Variants in LCOR observed in about 807,000 individuals in gnomAD.
LCOR encodes ligand-dependent corepressor.
LCOR carries 14 observed loss-of-function variants against 64.4 expected under a neutral mutation model. That is an observed-to-expected ratio of 0.22 (90% confidence interval 0.14 to 0.34). The LOEUF is 0.34. Among genes scored for constraint, LCOR ranks in the 10% least tolerant of loss-of-function variants. The pLI is 1.00. For missense variants in LCOR, 1,686 were observed against 1,765.3 expected, an observed-to-expected ratio of 0.96 and a Z score of 0.80; for synonymous variants, 643 against 642.5, an observed-to-expected ratio of 1.00 and a Z score of -0.01.
chr10:96,838,305 A>G (rs976136096), intron 2 of LCOR, among the ~76,000 whole-genome samples: 4 of 152,134 alleles, frequency 2.6e-5, no homozygotes, highest in Non-Finnish European at 5.9e-5. Flanking sequence ...ATTTTTTCTC[A>G]GCAGTGGGGT....
intron 2 of LCOR, 64 bp from the exon 3 acceptor site, chr10:96,907,201 C>A: frequency 2.0e-6 from 1 of 505,970 alleles, no homozygotes; most frequent in Non-Finnish European, 2.6e-6. Flanking sequence ...TTTTTTTATG[C>A]AAAGATTATT....
intron 7 of LCOR, among the ~76,000 whole-genome samples, chr10:96,978,889 T>C (rs1848058716): frequency 6.6e-6 from 1 of 152,234 alleles, no homozygotes. Flanking sequence ...GTATGTTATC[T>C]AATATCTCAC....
intron 4 of LCOR, among the ~76,000 whole-genome samples, chr10:96,932,820 C>G (rs980424007): frequency 6.6e-6 from 1 of 152,078 alleles, no homozygotes; most frequent in Admixed American, 6.5e-5. Context: ...CCATAGTACC[C>G]CGAACACTGC....
chr10:96,852,511 G>T (rs576914670), intron 2 of LCOR, among the ~76,000 whole-genome samples: 32 of 152,308 alleles, frequency 2.1e-4, no homozygotes, highest in African/African-American at 7.7e-4. Context: ...TTAGACTTGT[G>T]TGCCATCCCC....
intron 4 of LCOR, among the ~76,000 whole-genome samples, chr10:96,922,174 C>T (rs1312993119): frequency 1.3e-5 from 2 of 151,218 alleles, no homozygotes; most frequent in African/African-American, 4.9e-5. Context: ...AAGTCTTTGC[C>T]TTTTTATTTC....
chr10:96,877,186 T>C (rs1308302001), intron 2 of LCOR, among the ~76,000 whole-genome samples: 1 of 152,034 alleles, frequency 6.6e-6, no homozygotes, highest in Admixed American at 6.6e-5. Context: ...CTACAATGGA[T>C]TTAACTATAT....
chr10:96,932,043 T>C (rs779295582), intron 4 of LCOR, among the ~76,000 whole-genome samples: 24 of 152,314 alleles, frequency 1.6e-4, no homozygotes, highest in Non-Finnish European at 3.1e-4. Flanking sequence ...AGGTCTTTGA[T>C]CTTTCTTTAT....
chr10:96,842,399 C>T (rs534882853), intron 2 of LCOR, among the ~76,000 whole-genome samples: 9 of 151,850 alleles, frequency 5.9e-5, no homozygotes, highest in African/African-American at 2.2e-4. Context: ...TCTCAAAATA[C>T]ATACATACAT....
rs145663267 is a variant in LCOR at position 96,862,808 on chromosome 10, A to AG, written c.-330+29330dup. Among the ~76,000 whole-genome samples the AG allele has an allele frequency of 8.6e-3, 1,304 of 152,354 alleles. 20 individuals carry two copies. Among genetic ancestry groups the AG allele is most frequent in the African/African-American group, 0.03 (1,227 of 41,576 alleles). On this transcript the variant is annotated intron_variant, in intron 2 of 7. Coordinates refer to ENST00000421806, the MANE Select transcript of LCOR (RefSeq NM_001346516.2). ...GATTTTAGGAGTTAAAGAGGGTCCA[A>AG]GACCAAATATGTATTTCAGAATATC...
intron 7 of LCOR, among the ~76,000 whole-genome samples, chr10:96,976,527 C>T (rs1848041540): frequency 6.6e-6 from 1 of 152,152 alleles, no homozygotes; most frequent in Non-Finnish European, 1.5e-5. Flanking sequence ...AGCCATATGG[C>T]CATGGTTGTT....
At chr10:96,842,175 CA>C (rs1011920379) in intron 2 of LCOR, among the ~76,000 whole-genome samples, 1 of 152,068 alleles carries the variant, frequency 6.6e-6, no homozygotes, top group African/African-American at 2.4e-5. Flanking sequence ...GCGGGTGGAT[CA>C]CGAGGTCAAG....
intron 2 of LCOR, among the ~76,000 whole-genome samples, chr10:96,906,112 C>T (rs1382228377): frequency 6.6e-6 from 1 of 152,098 alleles, no homozygotes; most frequent in East Asian, 1.9e-4. Flanking sequence ...TAAGGGGTAC[C>T]TTATCTTTTA....
At chr10:96,847,369 C>T (rs981905650) in intron 2 of LCOR, among the ~76,000 whole-genome samples, 4 of 150,032 alleles carry the variant, frequency 2.7e-5, no homozygotes, top group Admixed American at 6.7e-5. Flanking sequence ...AAAAAGCACA[C>T]GGTAACAGTC....
intron 7 of LCOR, among the ~76,000 whole-genome samples, chr10:96,967,283 C>G (rs1021689328): frequency 1.3e-5 from 2 of 152,110 alleles, no homozygotes; most frequent in Non-Finnish European, 2.9e-5. Flanking sequence ...AGGTGTGTGC[C>G]ACCATGCCCA....
At chr10:96,855,277 G>A (rs535402937) in intron 2 of LCOR, among the ~76,000 whole-genome samples, 2 of 152,230 alleles carry the variant, frequency 1.3e-5, no homozygotes, top group Admixed American at 1.3e-4. Flanking sequence ...AATGATGGAT[G>A]AGAATTATTT....
chr10:96,889,454 C>T (rs1301838231), intron 2 of LCOR, among the ~76,000 whole-genome samples: 1 of 152,204 alleles, frequency 6.6e-6, no homozygotes, highest in African/African-American at 2.4e-5. Flanking sequence ...GGCCTCTCCT[C>T]CTGGCTTGTA....
chr10:96,981,333 G>A lies in LCOR; in HGVS notation c.873G>A (p.Gln291=), dbSNP rs2134562584. The change falls in exon 8 of 8, where the codon CAG becomes CAA. Residue 291 remains glutamine, a synonymous_variant. Transcript: ENST00000421806. The part of the protein sequence containing the change: ...FHHIPKILEG[Q]TTGQEQDTNV... ...ACATCCCTAAAATCTTGGAGGGGCA[G>A]ACCACTGGACAAGAGCAAGACACAA... The A allele has an allele frequency of 6.2e-7, 1 of 1,610,638 alleles. No individual in the cohort carries two copies. The highest frequency in any genetic ancestry group is 8.5e-7 in the Non-Finnish European group (1 of 1,177,642).
At chr10:96,844,878 A>G (rs569027357) in intron 2 of LCOR, among the ~76,000 whole-genome samples, 2 of 152,266 alleles carry the variant, frequency 1.3e-5, no homozygotes, top group South Asian at 2.1e-4. Flanking sequence ...TTCTATTGAT[A>G]TTCTTCCCAG....
chr10:96,986,751 C>T lies in LCOR; in HGVS notation c.*1617C>T, dbSNP rs1262391796. On this transcript the variant is annotated 3_prime_UTR_variant, in exon 8 of 8. Transcript: ENST00000421806. The stretch of plus-strand genomic sequence containing the variant: ...TGAAGCCTCAGTCAGCTTCCTTAAC[C>T]GGTTCTGTCACCAAAATCAGCTTGT... 4 of 152,228 alleles carry T rather than the reference C, an allele frequency of 2.6e-5. No homozygotes were observed. Among genetic ancestry groups the T allele is most frequent in the Non-Finnish European group, 4.4e-5 (3 of 68,048 alleles). 9.4% of individuals were successfully genotyped at this position (152,228 alleles called of 1,614,324 possible). A position where few individuals can be genotyped will look rare whatever the true frequency, so the allele number is the denominator to read the frequency against.
Sources: allele counts gnomAD v4.1 joint callset (sites outside exome capture counted in the v4.1 genomes callset), GRCh38; gene constraint gnomAD v4.1.1; transcripts MANE v1.5; gene names NCBI Gene and HGNC (gene_info 2026-07-23, HGNC 2026-07-21).